PCSK5: variants seen among roughly 807,000 people sequenced by gnomAD.
PCSK5 encodes proprotein convertase subtilisin/kexin type 5.
PCSK5 carries 129 observed loss-of-function variants against 233.2 expected under a neutral mutation model. The observed-to-expected ratio is 0.55, with a 90% confidence interval of 0.48 to 0.64. The LOEUF is 0.64. PCSK5 is among the 30% of genes least tolerant of loss of function. The pLI, the probability that PCSK5 is intolerant of heterozygous loss-of-function variation, is 0.00. For synonymous variants in PCSK5, 825 were observed against 879.2 expected, an observed-to-expected ratio of 0.94 and a Z score of 1.09; for missense variants, 2,076 against 2,430.1, an observed-to-expected ratio of 0.85 and a Z score of 3.06.
intron 24 of PCSK5, among the ~76,000 whole-genome samples, chr9:76,280,750 C>A (rs1827838198): frequency 6.6e-6 from 1 of 151,898 alleles, no homozygotes; most frequent in African/African-American, 2.4e-5. Context: ...AAACAATAAC[C>A]AAACAAAAAG....
intron 20 of PCSK5, among the ~76,000 whole-genome samples, chr9:76,196,385 A>C (rs1243835066): frequency 6.6e-6 from 1 of 152,244 alleles, no homozygotes; most frequent in Non-Finnish European, 1.5e-5. Context: ...GGATGTCTAG[A>C]AGATGATTTT....
At chr9:76,024,822 C>G (rs1195943940) in intron 4 of PCSK5, among the ~76,000 whole-genome samples, 1 of 152,204 alleles carries the variant, frequency 6.6e-6, no homozygotes, top group African/African-American at 2.4e-5. Context: ...GGTAACATGT[C>G]AAAGACTTGG....
At chr9:76,006,260 C>T (rs1353476255) in intron 3 of PCSK5, among the ~76,000 whole-genome samples, 3 of 152,086 alleles carry the variant, frequency 2.0e-5, no homozygotes, top group Middle Eastern at 6.8e-3. Context: ...TTTTTAAGCT[C>T]ATTTACATTT....
In PCSK5 at chr9:76,313,470, A is replaced by G. The variant is rs568096648; in HGVS notation, c.3884+2619A>G. Reference sequence around the variant, plus strand: ...TTCCCCCAGCCCTAAGCAACCACTAATCTACTTTCTATCCCTGTAGATTTG... The same window carrying G: ...TTCCCCCAGCCCTAAGCAACCACTAGTCTACTTTCTATCCCTGTAGATTTG... On this transcript the variant is annotated intron_variant, in intron 30 of 37. Coordinates refer to ENST00000674117, the MANE Select transcript of PCSK5 (RefSeq NM_001372043.1). 6.0e-4 allele frequency among the ~76,000 whole-genome samples: 92 copies of G among 152,162 alleles called. 1 individual carries two copies. Among genetic ancestry groups the G allele is most frequent in the African/African-American group, 2.1e-3 (87 of 41,512 alleles).
intron 21 of PCSK5, among the ~76,000 whole-genome samples, chr9:76,229,336 C>G (rs935750975): frequency 6.6e-6 from 1 of 152,160 alleles, no homozygotes; most frequent in Non-Finnish European, 1.5e-5. Flanking sequence ...CAGCTACCAC[C>G]CTTCTTTTAC....
intron 8 of PCSK5, among the ~76,000 whole-genome samples, chr9:76,097,245 T>TA (rs1831562857): frequency 7.7e-6 from 1 of 129,568 alleles, no homozygotes; most frequent in African/African-American, 3.2e-5. Context: ...AAAGTGCATT[T>TA]CTTTTTTTTT....
intron 2 of PCSK5, among the ~76,000 whole-genome samples, chr9:75,952,760 C>T (rs1464663470): frequency 6.6e-6 from 1 of 152,102 alleles, no homozygotes; most frequent in African/African-American, 2.4e-5. Flanking sequence ...TAGCATAATG[C>T]CTTTGAGATT....
intron 28 of PCSK5, 61 bp from the exon 29 acceptor site, chr9:76,308,584 A>T: frequency 2.2e-6 from 2 of 915,686 alleles, no homozygotes; most frequent in Middle Eastern, 4.2e-4. Context: ...CTTTTTCAGT[A>T]CTGGAATCCT....
At chr9:75,968,436 A>G (rs74738235) in intron 2 of PCSK5, among the ~76,000 whole-genome samples, 3,802 of 152,360 alleles carry the variant, frequency 0.025, 66 homozygotes, top group Non-Finnish European at 0.035. Flanking sequence ...CCAGGGACAC[A>G]GATAAGAAAA....
chr9:75,977,195 A>G (rs1826059841), intron 2 of PCSK5, among the ~76,000 whole-genome samples: 2 of 152,190 alleles, frequency 1.3e-5, no homozygotes, highest in Admixed American at 1.3e-4. Flanking sequence ...GGGTGGATGG[A>G]TAAACATACA....
At chr9:76,180,487 G>A (rs1235900464) in intron 15 of PCSK5, among the ~76,000 whole-genome samples, 1 of 152,102 alleles carries the variant, frequency 6.6e-6, no homozygotes, top group Non-Finnish European at 1.5e-5. Flanking sequence ...CACTAAGGTG[G>A]ACCCTGTGCC....
intron 19 of PCSK5, 114 bp downstream of exon 19, chr9:76,189,337 A>G (rs1028516924): frequency 1.1e-6 from 1 of 890,990 alleles, no homozygotes; most frequent in Non-Finnish European, 1.7e-6. Context: ...AGGTTTAAAC[A>G]TGTACCTGTG....
chr9:76,282,120 C>CTTTTTTTTTT lies in PCSK5; in HGVS notation c.3143-10095_3143-10086dup. 1.2e-3 allele frequency among the ~76,000 whole-genome samples: 18 copies of CTTTTTTTTTT among 14,512 alleles called. 8 individuals carry two copies. Among genetic ancestry groups the CTTTTTTTTTT allele is most frequent in the Non-Finnish European group, 2.0e-3 (15 of 7,350 alleles). The allele number at this position is 14,512 out of a possible 152,430, so 9.5% of individuals were successfully genotyped here. A position where few individuals can be genotyped will look rare whatever the true frequency, so the allele number is the denominator to read the frequency against. On this transcript the variant is annotated intron_variant, in intron 24 of 37. Transcript: ENST00000674117. ...CTGGAGTGCACCATTCTTTTCTTTGCTTTTTTTTTTTTTTTTTTTTTTTTT... is the reference window on the plus strand; with the variant it reads ...CTGGAGTGCACCATTCTTTTCTTTGCTTTTTTTTTTTTTTTTTTTTTTTTTTTTTTTTTTT...
chr9:76,301,660 C>T (rs533793135), intron 27 of PCSK5, among the ~76,000 whole-genome samples: 3 of 152,180 alleles, frequency 2.0e-5, no homozygotes, highest in South Asian at 2.1e-4. Context: ...CTGGCCAACA[C>T]GGTGAAACCC....
In PCSK5 at chr9:76,175,125, T is replaced by G. The variant is rs1230184483; in HGVS notation, c.1896T>G (p.Tyr632Ter). The G allele has an allele frequency of 6.2e-7, 1 of 1,613,916 alleles. No homozygotes were observed. ...CAGACGACTATGGCACAGAGGATTA[T>G]GCAGGTGAGCTGGCTTCCAGTGGGA... is the stretch of plus-strand genomic sequence containing the variant. ...DPTDDYGTED[Y>*]AGPCDPECSE... The change falls in exon 14 of 38, where the codon TAT becomes TAG. Residue 632 changes from tyrosine to a stop codon, truncating the protein, a stop_gained. Transcript: ENST00000674117. LOFTEE classifies it high-confidence loss of function.
chr9:76,357,066 A>G (rs1257978953), intron 37 of PCSK5, among the ~76,000 whole-genome samples: 1 of 152,206 alleles, frequency 6.6e-6, no homozygotes, highest in Non-Finnish European at 1.5e-5. Context: ...CCCAAATCAT[A>G]CCACCTGGAA....
chr9:76,281,174 G>A (rs1166522863), intron 24 of PCSK5, among the ~76,000 whole-genome samples: 2 of 152,240 alleles, frequency 1.3e-5, no homozygotes, highest in East Asian at 3.8e-4. Context: ...GGTTAATATA[G>A]CAAACAACAG....
rs1824559217 is a variant in PCSK5 at position 76,193,988 on chromosome 9, C to T, written c.2626+4242C>T. ...CTTATGTACTGGTTTTTGCATTTTACTCACTTGATAAGTCTGCTCCACTGG... is the reference window on the plus strand; with the variant it reads ...CTTATGTACTGGTTTTTGCATTTTATTCACTTGATAAGTCTGCTCCACTGG... On this transcript the variant is annotated intron_variant, in intron 20 of 37. Coordinates refer to ENST00000674117, the MANE Select transcript of PCSK5 (RefSeq NM_001372043.1). 3.3e-5 allele frequency: 5 copies of T among 152,304 alleles called. 1 individual carries two copies. The South Asian group carries it at 1.0e-3, about 32-fold the overall frequency. The allele number at this position is 152,304 out of a possible 1,614,324, so 9.4% of individuals were successfully genotyped here. A position where few individuals can be genotyped will look rare whatever the true frequency, so the allele number is the denominator to read the frequency against.
chr9:76,084,615 G>T (rs1414776758), intron 7 of PCSK5, among the ~76,000 whole-genome samples: 1 of 152,214 alleles, frequency 6.6e-6, no homozygotes, highest in African/African-American at 2.4e-5. Context: ...GTATGGTATA[G>T]TATGGGTGTC....
Sources: allele counts gnomAD v4.1 joint callset (sites outside exome capture counted in the v4.1 genomes callset), GRCh38; gene constraint gnomAD v4.1.1; transcripts MANE v1.5; gene names NCBI Gene and HGNC (gene_info 2026-07-23, HGNC 2026-07-21).